NFKBIZ: variants seen among roughly 807,000 people sequenced by gnomAD.
NFKBIZ encodes NF-kappa-B inhibitor zeta.
In NFKBIZ, 19 loss-of-function variants were observed where a neutral mutation model predicts 76.8. That is an observed-to-expected ratio of 0.25 (90% CI 0.17 to 0.36). The LOEUF (loss-of-function observed/expected upper bound fraction) is 0.36, where lower values mean the gene tolerates loss of function less well. Ranked by LOEUF, NFKBIZ falls within the 10% of genes least tolerant of loss-of-function variation. The pLI is 1.00. For synonymous variants in NFKBIZ, 368 were observed against 354.8 expected (o/e 1.04, Z -0.42); for missense variants, 829 against 910.9 (o/e 0.91, Z 1.16).
chr3:101,834,729 CCT>C (rs1423968548), intron 2 of NFKBIZ, among the ~76,000 whole-genome samples: 2 of 152,228 alleles, frequency 1.3e-5, no homozygotes, highest in Admixed American at 6.5e-5. Flanking sequence ...AAACAGTTCC[CCT>C]CTTTCCATGC....
intron 9 of NFKBIZ, 34 bp from the exon 10 acceptor site, chr3:101,857,039 T>TC (rs1943058977): frequency 9.8e-7 from 1 of 1,018,226 alleles, no homozygotes; most frequent in Non-Finnish European, 1.4e-6. Flanking sequence ...CTGGATTTTT[T>TC]TTTTTTTTTT....
At chr3:101,856,401 A>G (rs990527561) in intron 9 of NFKBIZ, among the ~76,000 whole-genome samples, 1 of 152,216 alleles carries the variant, frequency 6.6e-6, no homozygotes, top group Non-Finnish European at 1.5e-5. Context: ...GATTTGCTTT[A>G]AATCCATGAA....
At position 101,857,400 on chromosome 3, in the gene NFKBIZ, C is replaced by T. The variant is rs773463332; in HGVS notation, c.2044C>T (p.Arg682Trp). The change falls in exon 11 of 12, where the codon CGG (arginine) becomes TGG (tryptophan). Residue 682 changes from arginine to tryptophan, a missense_variant. Coordinates refer to ENST00000326172, the MANE Select transcript of NFKBIZ (RefSeq NM_031419.4). ...GAGGAAGGGAGCAGACCCAAGTACTCGGAACTTGGAGAACGAACAGCCAGT... is the reference window on the plus strand; with the variant it reads ...GAGGAAGGGAGCAGACCCAAGTACTTGGAACTTGGAGAACGAACAGCCAGT... ...LMRKGADPST[R>W]NLENEQPVHL... is the part of the protein sequence containing the mutation. The T allele has an allele frequency of 1.4e-5, 23 of 1,614,072 alleles. No individual in the cohort carries two copies. The South Asian group carries it at 1.9e-4, about 13-fold the overall frequency.
chr3:101,851,660 A>G (rs999316434), intron 1 of NFKBIZ, among the ~76,000 whole-genome samples: 2 of 152,236 alleles, frequency 1.3e-5, no homozygotes, highest in African/African-American at 4.8e-5. Context: ...CTTGCTCCCC[A>G]AAGTTTTTCC....
intron 8 of NFKBIZ, 25 bp from the exon 9 acceptor site, chr3:101,855,708 C>A: frequency 6.4e-7 from 1 of 1,565,612 alleles, no homozygotes; most frequent in Non-Finnish European, 8.6e-7. Flanking sequence ...TGCTTGACCA[C>A]TGCTTGATTA....
chr3:101,844,003 C>T (rs902224681), intron 2 of NFKBIZ, among the ~76,000 whole-genome samples: 2 of 152,114 alleles, frequency 1.3e-5, no homozygotes, highest in Non-Finnish European at 2.9e-5. Flanking sequence ...TGTTATTTTC[C>T]TTAACATGAC....
intron 9 of NFKBIZ, 124 bp from the exon 10 acceptor site, chr3:101,856,949 G>T: frequency 1.5e-6 from 1 of 672,620 alleles, no homozygotes; most frequent in South Asian, 1.9e-5. Context: ...TTTTGGAGAA[G>T]GGAGCATTCA....
intron 2 of NFKBIZ, among the ~76,000 whole-genome samples, chr3:101,831,226 T>A (rs569837871): frequency 2.0e-5 from 3 of 152,254 alleles, no homozygotes; most frequent in Admixed American, 6.5e-5. Context: ...CAAAAATAGG[T>A]TCTTCAGGGA....
upstream of NFKBIZ, among the ~76,000 whole-genome samples, chr3:101,846,985 A>G (rs543222250): frequency 2.8e-4 from 43 of 152,376 alleles, no homozygotes; most frequent in South Asian, 6.2e-4. Flanking sequence ...CCCAAGAACC[A>G]GGAGTGCTGA....
Position 101,853,834 on chromosome 3 carries a change from G to C in NFKBIZ, c.1308G>C (p.Gln436His). 1 of 1,613,254 alleles carries C rather than the reference G, an allele frequency of 6.2e-7. No homozygotes were observed. The highest frequency in any genetic ancestry group is 1.3e-5 in the African/African-American group (1 of 75,054). ...AATTGGCAAATATTTCCCAAGACCA[G>C]TTTCTTTCAAAGGATGCAGATGGTG... ...ESKLANISQD[Q>H]FLSKDADGDT... The change falls in exon 5 of 12, where the codon CAG becomes CAC. Residue 436 changes from glutamine to histidine, a missense_variant. Gln to His is a conservative substitution (Grantham distance 24, BLOSUM62 0). Coordinates refer to ENST00000326172, the MANE Select transcript of NFKBIZ (RefSeq NM_031419.4).
In NFKBIZ at chr3:101,860,733, G is replaced by A. The variant is rs748252586; in HGVS notation, c.*1362G>A. On this transcript the variant is annotated 3_prime_UTR_variant, in exon 12 of 12. Coordinates refer to ENST00000326172, the MANE Select transcript of NFKBIZ (RefSeq NM_031419.4). ...CTTGCCGCTGGCATGCCTGAGGAAT[G>A]TATTTGGCTTTGATTACACACTAAG... 1.3e-5 allele frequency: 2 copies of A among 149,096 alleles called. No homozygotes were observed. The highest frequency in any genetic ancestry group is 6.7e-5 in the Admixed American group (1 of 14,890). The allele number at this position is 149,096 out of a possible 1,614,324, so 9.2% of individuals were successfully genotyped here. A position where few individuals can be genotyped will look rare whatever the true frequency, so the allele number is the denominator to read the frequency against.
chr3:101,851,903 G>C (rs780214388), intron 1 of NFKBIZ, among the ~76,000 whole-genome samples, 182 bp from the exon 2 acceptor site: 2 of 152,204 alleles, frequency 1.3e-5, no homozygotes, highest in Non-Finnish European at 2.9e-5. Context: ...AGGCAACTTA[G>C]GACCTTTGAG....
chr3:101,859,270 T>G (rs576549807), intron 11 of NFKBIZ, 48 bp from the exon 12 acceptor site: 1 of 1,451,016 alleles, frequency 6.9e-7, no homozygotes, highest in Admixed American at 1.7e-5. Context: ...ATACACCACA[T>G]TGGCCATAAG....
At position 101,849,681 on chromosome 3, in the gene NFKBIZ, A is replaced by C; in HGVS notation, c.53A>C (p.Asp18Ala). 7.2e-7 allele frequency: 1 copy of C among 1,394,818 alleles called. No individual in the cohort carries two copies. Among genetic ancestry groups the C allele is most frequent in the Middle Eastern group, 2.0e-4 (1 of 5,104 alleles). The allele number at this position is 1,394,818 out of a possible 1,614,324, so 86.4% of individuals were successfully genotyped here. A position where few individuals can be genotyped will look rare whatever the true frequency, so the allele number is the denominator to read the frequency against. ...DDSRGGEGLRDAAGGCGLMTS... is the reference protein window; with the variant it reads ...DDSRGGEGLRAAAGGCGLMTS... ...AGCCGCGGCGGAGAGGGGCTGCGGG[A>C]CGCGGCGGGCGGCTGCGGCCTCATG... is the stretch of plus-strand genomic sequence containing the variant. The change falls in exon 1 of 12, where the codon GAC becomes GCC. Residue 18 changes from aspartate (D) to alanine (A), a missense_variant. Around this residue, in one of 4 missense-constraint regions of NFKBIZ, gnomAD observed 181 missense variants for 175.3 expected, o/e 1.03. Transcript: ENST00000326172.
At chr3:101,833,191 T>G (rs1165408943) in intron 2 of NFKBIZ, among the ~76,000 whole-genome samples, 1 of 152,206 alleles carries the variant, frequency 6.6e-6, no homozygotes, top group Non-Finnish European at 1.5e-5. Flanking sequence ...CCGCTGGCAA[T>G]GCAGTTCCAC....
chr3:101,845,858 T>G (rs565624311), upstream of NFKBIZ, among the ~76,000 whole-genome samples: 2 of 152,362 alleles, frequency 1.3e-5, no homozygotes, highest in African/African-American at 4.8e-5. Flanking sequence ...ATTTCATCTT[T>G]TTCAGTATCT....
intron 2 of NFKBIZ, 87 bp from the exon 3 acceptor site, chr3:101,852,651 A>T: frequency 1.2e-6 from 1 of 834,884 alleles, no homozygotes; most frequent in South Asian, 1.6e-5. Context: ...TAAGCTATAA[A>T]GGGTGGTAGA....
intron 9 of NFKBIZ, 70 bp downstream of exon 9, chr3:101,855,972 C>A: frequency 1.5e-6 from 2 of 1,344,886 alleles, no homozygotes; most frequent in Non-Finnish European, 2.0e-6. Flanking sequence ...ACCTTGCTTC[C>A]AAGTACAGAT....
intron 8 of NFKBIZ, 74 bp downstream of exon 8, chr3:101,855,532 T>C: frequency 7.1e-7 from 1 of 1,414,890 alleles, no homozygotes; most frequent in Non-Finnish European, 9.9e-7. Flanking sequence ...CTAAGTATAC[T>C]AAGAAGGAAG....
Sources: gnomAD v4.1 joint callset for allele counts (sites outside exome capture counted in the v4.1 genomes callset) on GRCh38, gnomAD v4.1.1 for gene constraint, gnomAD v4.1.1 regional missense constraint, MANE v1.5 for transcripts, NCBI Gene and HGNC (gene_info 2026-07-23, HGNC 2026-07-21) for gene names.